NTRK1: variants seen among roughly 807,000 people sequenced by gnomAD.
NTRK1 encodes the protein high affinity nerve growth factor receptor.
NTRK1 carries 62 observed loss-of-function variants against 86.8 expected under a neutral mutation model. The observed-to-expected ratio is 0.71, with a 90% CI of 0.58 to 0.88. The LOEUF is 0.88. Among genes scored for constraint, NTRK1 ranks in the 40% least tolerant of loss-of-function variants. NTRK1 has a pLI of 0.00. For missense variants in NTRK1, 967 were observed against 1,078.4 expected, an observed-to-expected ratio of 0.90 and a Z score of 1.45; for synonymous variants, 469 against 456.6, an observed-to-expected ratio of 1.03 and a Z score of -0.35.
intron 1 of NTRK1, among the ~76,000 whole-genome samples, chr1:156,831,573 G>C (rs1468261159): frequency 6.6e-6 from 1 of 152,136 alleles, no homozygotes; most frequent in East Asian, 1.9e-4. Context: ...GACTGGCAGA[G>C]ATAGTGCTTG....
chr1:156,816,633 T>C (rs553772527), intron 1 of NTRK1: 2 of 1,587,064 alleles, frequency 1.3e-6, no homozygotes, highest in East Asian at 2.3e-5. Context: ...GATGGGGGTC[T>C]TTGTGCCCCC....
At chr1:156,859,752 G>A (rs1655543982), upstream of NTRK1, among the ~76,000 whole-genome samples, 2 of 152,252 alleles carry the variant, frequency 1.3e-5, no homozygotes, top group South Asian at 4.1e-4. This position sits in a 1 kb window ranked among gnomAD's most constrained non-coding sequence, Gnocchi z 6.2. Context: ...CCGTGCTGGG[G>A]CCTTGGCGGA....
At chr1:156,819,922 G>T (rs959545739) in intron 1 of NTRK1, among the ~76,000 whole-genome samples, 1 of 152,158 alleles carries the variant, frequency 6.6e-6, no homozygotes, top group Non-Finnish European at 1.5e-5. Flanking sequence ...TCTGTGGATT[G>T]TCTGTTTACT....
intron 7 of NTRK1, among the ~76,000 whole-genome samples, chr1:156,873,053 G>GTGTGTGTC (rs1647660498): frequency 6.6e-6 from 1 of 151,060 alleles, no homozygotes; most frequent in Non-Finnish European, 1.5e-5. Context: ...GTGTGTGTGT[G>GTGTGTGTC]TGTGTGTGTT....
rs1282942388 is a variant in NTRK1, at chr1:156,864,806, G to A, written c.359+7G>A. The A allele has an allele frequency of 6.2e-7, 1 of 1,612,564 alleles. No homozygotes were observed. The highest frequency in any genetic ancestry group is 1.7e-5 in the Admixed American group (1 of 59,852). On this transcript the variant is annotated splice_region_variant and intron_variant, in intron 3 of 16. Coordinates refer to ENST00000524377, the MANE Select transcript of NTRK1 (RefSeq NM_002529.4). Reference sequence around the variant, plus strand: ...CTCCTCGGCTCAGTCGCCTGTGAGTGTGGCCAGTGCTGGGCAGTGGGAGTT... The same window carrying A: ...CTCCTCGGCTCAGTCGCCTGTGAGTATGGCCAGTGCTGGGCAGTGGGAGTT...
chr1:156,874,131 G>A (rs2102907454), intron 8 of NTRK1, 172 bp downstream of exon 8: 1 of 877,236 alleles, frequency 1.1e-6, no homozygotes, highest in East Asian at 2.6e-5. Context: ...CCCAAGCCAG[G>A]ACTCCTGAAC....
chr1:156,871,633 G>T lies in NTRK1; in HGVS notation c.728G>T (p.Gly243Val), dbSNP rs745598076. 1.2e-6 allele frequency: 2 copies of T among 1,614,082 alleles called. No homozygotes were observed. The highest frequency in any genetic ancestry group is 2.2e-5 in the South Asian group (2 of 91,066). The change falls in exon 7 of 17, where the codon GGT (glycine) becomes GTT (valine). Residue 243 changes from glycine to valine, a missense_variant. By Grantham distance (109) the Gly-to-Val change is moderately radical. This residue lies in a region of NTRK1 where 637 missense variants were observed against 776.5 expected (regional missense o/e 0.82). Transcript: ENST00000524377. ...EQSATVMKSG[G>V]LPSLGLTLAN... ...TCTTTCCTGATCTAGAAATCTGGGG[G>T]TCTGCCATCCCTGGGGCTGACCCTG...
upstream of NTRK1, among the ~76,000 whole-genome samples, chr1:156,859,267 G>A (rs986834537): frequency 1.3e-5 from 2 of 152,106 alleles, no homozygotes; most frequent in African/African-American, 4.8e-5. This position sits in a 1 kb window ranked among gnomAD's most constrained non-coding sequence, Gnocchi z 6.2. Flanking sequence ...AGGTCTGTTG[G>A]GGAAATAAGG....
chr1:156,852,207 T>C, intron 2 of NTRK1: 2 of 1,568,870 alleles, frequency 1.3e-6, no homozygotes, highest in African/African-American at 1.3e-5. Flanking sequence ...GGGAGAGTGG[T>C]GTGTTAGACG....
chr1:156,849,513 G>GGT, intron 2 of NTRK1: 2 of 486,120 alleles, frequency 4.1e-6, no homozygotes, highest in Middle Eastern at 5.7e-4. Context: ...CAGGGGGTGG[G>GGT]AAAGGGGATG....
chr1:156,849,305 G>A lies in NTRK1; in HGVS notation c.50+7112G>A, dbSNP rs1481817447. ...CTCAGCCTTGTTCTGCCGACCTCGC[G>A]TGCCTGTCACCTCCTCCAGTCGGTA... On this transcript the variant is annotated intron_variant, in intron 2 of 16. Transcript: ENST00000392302. The A allele has an allele frequency of 4.3e-6, 7 of 1,613,866 alleles. No homozygotes were observed. In the Admixed American group the frequency reaches 5.0e-5, roughly 12 times the overall value.
chr1:156,876,411 G>A lies in NTRK1; in HGVS notation c.1644G>A (p.Glu548=), dbSNP rs776609372. Residue 548 remains glutamate (E), a synonymous_variant, in exon 14 of 17, where the codon GAG becomes GAA. Coordinates refer to ENST00000524377, the MANE Select transcript of NTRK1 (RefSeq NM_002529.4). ...KMLVAVKALK[E]ASESARQDFQ... is the part of the protein sequence containing the mutation. The stretch of plus-strand genomic sequence containing the variant: ...CCGCTTCCATCCAGGCACTGAAGGA[G>A]GCGTCCGAGAGTGCTCGGCAGGACT... 1.9e-6 allele frequency: 3 copies of A among 1,613,800 alleles called. No homozygotes were observed. The highest frequency in any genetic ancestry group is 2.2e-5 in the South Asian group (2 of 91,078).
chr1:156,827,897 G>A (rs1654364713), intron 1 of NTRK1, among the ~76,000 whole-genome samples: 1 of 152,100 alleles, frequency 6.6e-6, no homozygotes, highest in African/African-American at 2.4e-5. Context: ...TAATGAGCCA[G>A]GCCTGGTAAA....
chr1:156,840,429 G>GCCCCCCCCCC, intron 1 of NTRK1: 1 of 158,438 alleles, frequency 6.3e-6, no homozygotes, highest in Non-Finnish European at 1.4e-5. Context: ...GTCATGTGGA[G>GCCCCCCCCCC]CCCCACCCCC....
At chr1:156,818,659 C>CT (rs377447894) in intron 1 of NTRK1, among the ~76,000 whole-genome samples, 40 of 152,206 alleles carry the variant, frequency 2.6e-4, no homozygotes, top group African/African-American at 8.7e-4. Context: ...TTATTTCGTT[C>CT]TTTTTTTGGC....
intron 2 of NTRK1, chr1:156,845,316 G>T (rs774629253): frequency 2.5e-6 from 4 of 1,611,186 alleles, no homozygotes; most frequent in Admixed American, 1.7e-5. Flanking sequence ...GCGAGTCAGA[G>T]CCAAGGCCCA....
At chr1:156,844,683 G>A (rs768482230) in intron 2 of NTRK1, 6 of 1,614,120 alleles carry the variant, frequency 3.7e-6, no homozygotes, top group East Asian at 4.5e-5. Context: ...ACGGGGCTGG[G>A]ACGGGGGTCC....
chr1:156,855,740 G>A (rs1286773496), intron 2 of NTRK1, among the ~76,000 whole-genome samples: 19 of 152,160 alleles, frequency 1.2e-4, no homozygotes, highest in African/African-American at 4.1e-4. Flanking sequence ...TGGGAGGATC[G>A]CTTGAGCCCA....
intron 1 of NTRK1, among the ~76,000 whole-genome samples, chr1:156,819,819 T>C (rs887121656): frequency 3.9e-5 from 6 of 152,146 alleles, no homozygotes; most frequent in African/African-American, 1.4e-4. Context: ...ATGCCTGGCC[T>C]ATTTGTTTTT....
Sources: allele counts gnomAD v4.1 joint callset (sites outside exome capture counted in the v4.1 genomes callset), GRCh38; gene constraint gnomAD v4.1.1; regional missense constraint gnomAD v4.1.1; non-coding constraint Gnocchi (gnomAD v3.1); transcripts MANE v1.5; gene names NCBI Gene and HGNC (gene_info 2026-07-23, HGNC 2026-07-21).